Variants in TOX3 observed in about 807,000 individuals in gnomAD.
TOX3 encodes the protein TOX high mobility group box family member 3, also known as CAG trinucleotide repeat-containing gene F9 protein.
TOX3 carries 22 observed loss-of-function variants against 64.3 expected under a neutral mutation model. The observed-to-expected ratio is 0.34, with a 90% CI of 0.24 to 0.49. The LOEUF (loss-of-function observed/expected upper bound fraction) is 0.49, where lower values mean the gene tolerates loss of function less well. Among genes scored for constraint, TOX3 ranks in the 20% least tolerant of loss-of-function variants. TOX3 has a pLI of 0.99. For missense variants in TOX3, 661 were observed against 714.4 expected, an observed-to-expected ratio of 0.93 and a Z score of 0.85; for synonymous variants, 291 against 273.6, an observed-to-expected ratio of 1.06 and a Z score of -0.63.
At chr16:52,460,201 T>C (rs1404523136) in intron 3 of TOX3, among the ~76,000 whole-genome samples, 1 of 152,158 alleles carries the variant, frequency 6.6e-6, no homozygotes, top group Non-Finnish European at 1.5e-5. Context: ...CACTATAGCA[T>C]TTTCTATAAA....
chr16:52,453,354 T>A (rs1476749760), intron 3 of TOX3, among the ~76,000 whole-genome samples: 1 of 151,976 alleles, frequency 6.6e-6, no homozygotes, highest in Non-Finnish European at 1.5e-5. Flanking sequence ...CAGCTAATTT[T>A]TGTATTTTTA....
chr16:52,447,759 C>T (rs1206287041), intron 4 of TOX3, among the ~76,000 whole-genome samples: 1 of 152,130 alleles, frequency 6.6e-6, no homozygotes, highest in East Asian at 1.9e-4. Flanking sequence ...GAGTCAGATG[C>T]CTTTCAGTTA....
intron 3 of TOX3, among the ~76,000 whole-genome samples, chr16:52,461,914 A>G (rs527916696): frequency 6.6e-6 from 1 of 152,276 alleles, no homozygotes; most frequent in East Asian, 1.9e-4. Flanking sequence ...TCAAGTTTAT[A>G]GGTGAACATG....
intron 1 of TOX3, among the ~76,000 whole-genome samples, chr16:52,527,011 C>A (rs1004721102): frequency 6.6e-6 from 1 of 152,140 alleles, no homozygotes; most frequent in Non-Finnish European, 1.5e-5. Flanking sequence ...CGAAACACAG[C>A]GGTCACTACT....
intron 2 of TOX3, among the ~76,000 whole-genome samples, chr16:52,465,009 T>TTTTTTG: frequency 1.2e-5 from 1 of 83,232 alleles, no homozygotes; most frequent in Non-Finnish European, 2.3e-5. Flanking sequence ...TGCATTCTTT[T>TTTTTTG]TTTTTTTTTT....
In TOX3 at chr16:52,529,353, G is replaced by A. The variant is rs45437496; in HGVS notation, c.87+17284C>T. 3.8e-3 allele frequency among the ~76,000 whole-genome samples: 577 copies of A among 152,184 alleles called. 1 individual carries two copies. Among genetic ancestry groups the A allele is most frequent in the Non-Finnish European group, 5.7e-3 (387 of 67,996 alleles). On this transcript the variant is annotated intron_variant, in intron 1 of 6. Transcript: ENST00000219746. ...TTAGTTTTACAATATTGACATAGTA[G>A]GCTTTATTTTTTTTTAAATGTGGAA...
At chr16:52,526,432 C>T (rs1388699779) in intron 1 of TOX3, among the ~76,000 whole-genome samples, 2 of 152,064 alleles carry the variant, frequency 1.3e-5, no homozygotes, top group East Asian at 1.9e-4. Flanking sequence ...GATGGTAGCT[C>T]GGATGGATTC....
At chr16:52,462,093 A>G (rs1001241746) in intron 3 of TOX3, among the ~76,000 whole-genome samples, 2 of 152,160 alleles carry the variant, frequency 1.3e-5, no homozygotes, top group Non-Finnish European at 2.9e-5. Context: ...GCCAAAATAA[A>G]TATCACTCAG....
At position 52,542,103 on chromosome 16, in the gene TOX3, G is replaced by T. The variant is rs941781043; in HGVS notation, c.87+4534C>A. Among the ~76,000 whole-genome samples, 4 of 152,152 alleles carry T rather than the reference G, an allele frequency of 2.6e-5. No individual in the cohort carries two copies. In the South Asian group the frequency reaches 8.3e-4, roughly 32 times the overall value. Reference sequence around the variant, plus strand: ...TGGATGCATTTTAATGTTTGATGGGGCATGGAAGGGAGCTCAGATCAATAG... The same window carrying T: ...TGGATGCATTTTAATGTTTGATGGGTCATGGAAGGGAGCTCAGATCAATAG... On this transcript the variant is annotated intron_variant, in intron 1 of 6. Coordinates refer to ENST00000219746, the MANE Select transcript of TOX3 (RefSeq NM_001080430.4).
intron 1 of TOX3, among the ~76,000 whole-genome samples, chr16:52,524,801 C>A (rs1470240623): frequency 2.0e-5 from 3 of 152,056 alleles, no homozygotes; most frequent in Non-Finnish European, 4.4e-5. Flanking sequence ...TGGCCTCGAC[C>A]ATCCTCTCTG....
At chr16:52,488,416 TC>T in intron 1 of TOX3, among the ~76,000 whole-genome samples, 1 of 152,122 alleles carries the variant, frequency 6.6e-6, no homozygotes, top group East Asian at 1.9e-4. Flanking sequence ...CTCTGCTCCA[TC>T]CCACCACCCC....
chr16:52,540,714 C>T lies in TOX3; in HGVS notation c.87+5923G>A, dbSNP rs36119011. Among the ~76,000 whole-genome samples the T allele has an allele frequency of 6.5e-3, 992 of 152,248 alleles. 5 individuals are homozygous for T. The highest frequency in any genetic ancestry group is 0.02 in the Middle Eastern group (6 of 294). On this transcript the variant is annotated intron_variant, in intron 1 of 6. Transcript: ENST00000219746. ...GAAAGTACTCATTTGTGACCACTCC[C>T]ACCACCATCACCTTGCTTCTTATTT...
Position 52,439,472 on chromosome 16 carries a change from T to A in TOX3, c.1484A>T (p.Gln495Leu). The change falls in exon 7 of 7, where the codon CAG (glutamine) becomes CTG (leucine). Residue 495 changes from glutamine (Q) to leucine (L), a missense_variant. Gln to Leu is a moderately radical substitution (Grantham distance 113). Coordinates refer to ENST00000219746, the MANE Select transcript of TOX3 (RefSeq NM_001080430.4). ...TTGATTAATTTGCTGCTGGAGATGC[T>A]GCTGCTGCTGCTGCAGGTGCTGCTG... is the stretch of plus-strand genomic sequence containing the variant. Reference protein sequence around the residue: ...HMQQHLQQQQQHLQQQINQQQ... With the variant: ...HMQQHLQQQQLHLQQQINQQQ... The A allele has an allele frequency of 7.0e-7, 1 of 1,424,572 alleles. No individual in the cohort carries two copies. The highest frequency in any genetic ancestry group is 9.7e-7 in the Non-Finnish European group (1 of 1,031,758). The allele number at this position is 1,424,572 out of a possible 1,614,324, so 88.2% of individuals were successfully genotyped here. A position where few individuals can be genotyped will look rare whatever the true frequency, so the allele number is the denominator to read the frequency against.
intron 1 of TOX3, among the ~76,000 whole-genome samples, chr16:52,531,901 C>T (rs1289557433): frequency 6.6e-6 from 1 of 152,104 alleles, no homozygotes; most frequent in African/African-American, 2.4e-5. Context: ...ATAAAGAAGA[C>T]ATGAAGACTC....
chr16:52,504,808 T>C (rs1470947184), intron 1 of TOX3, among the ~76,000 whole-genome samples: 1 of 148,826 alleles, frequency 6.7e-6, no homozygotes, highest in Non-Finnish European at 1.5e-5. Flanking sequence ...TGGAGATATA[T>C]TTAAAGAAGA....
At chr16:52,532,384 C>T (rs891726216) in intron 1 of TOX3, among the ~76,000 whole-genome samples, 2 of 152,090 alleles carry the variant, frequency 1.3e-5, no homozygotes, top group East Asian at 1.9e-4. Flanking sequence ...TCCTGCTGTC[C>T]GAAATACTGC....
At chr16:52,467,005 TA>T (rs746311192) in intron 2 of TOX3, among the ~76,000 whole-genome samples, 2 of 152,340 alleles carry the variant, frequency 1.3e-5, no homozygotes, top group Non-Finnish European at 2.9e-5. Flanking sequence ...TTTACGTGAT[TA>T]TTTTTTTACA....
intron 1 of TOX3, among the ~76,000 whole-genome samples, chr16:52,482,769 T>C (rs1961402877): frequency 6.6e-6 from 1 of 152,152 alleles, no homozygotes; most frequent in Non-Finnish European, 1.5e-5. Context: ...ACTGACTCCA[T>C]TTATTCCTAA....
intron 1 of TOX3, among the ~76,000 whole-genome samples, chr16:52,485,770 A>T (rs1961514642): frequency 6.6e-6 from 1 of 152,154 alleles, no homozygotes; most frequent in Non-Finnish European, 1.5e-5. Context: ...ATGACCCCAG[A>T]TGGTAATGGA....
Sources: gnomAD v4.1 joint callset for allele counts (sites outside exome capture counted in the v4.1 genomes callset) on GRCh38, gnomAD v4.1.1 for gene constraint, MANE v1.5 for transcripts, NCBI Gene and HGNC (gene_info 2026-07-23, HGNC 2026-07-21) for gene names.